The following ZNF101 variants were observed in gnomAD, a reference collection of about 807,000 sequenced individuals.
ZNF101 encodes zinc finger protein 101, also known as zinc finger protein 101 (Y2).
A neutral mutation model predicts 42.6 loss-of-function variants in ZNF101; 34 were observed. That is an observed-to-expected ratio of 0.80 (90% CI 0.61 to 1.06). The LOEUF (loss-of-function observed/expected upper bound fraction) is 1.06. ZNF101 is among the 50% of genes least tolerant of loss of function. The probability of loss-of-function intolerance (pLI) is 0.00; values close to 1 mark genes in which losing one functional copy is unlikely to be tolerated. For synonymous variants in ZNF101, 158 were observed against 183.9 expected, an observed-to-expected ratio of 0.86 and a Z score of 1.14; for missense variants, 466 against 530.9, an observed-to-expected ratio of 0.88 and a Z score of 1.20.
Position 19,679,299 on chromosome 19 carries a change from T to A in ZNF101, c.310T>A (p.Cys104Ser). ...TCAAACTGGAGTGAAACCATGCAAA[T>A]GCAGCGTGTGTGGGAAAGTCTTCCT... Reference protein sequence around the residue: ...KSQTGVKPCKCSVCGKVFLRH... With the variant: ...KSQTGVKPCKSSVCGKVFLRH... The change falls in exon 4 of 4, where the codon TGC (cysteine) becomes AGC (serine). Residue 104 changes from cysteine to serine, a missense_variant. Cys to Ser is a moderately radical substitution (Grantham distance 112). Coordinates refer to ENST00000592502, the MANE Select transcript of ZNF101 (RefSeq NM_033204.4). 1 of 1,614,152 alleles carries A rather than the reference T, an allele frequency of 6.2e-7. No individual in the cohort carries two copies. Among genetic ancestry groups the A allele is most frequent in the Non-Finnish European group, 8.5e-7 (1 of 1,180,036 alleles).
chr19:19,670,582 C>T (rs960415622), intron 1 of ZNF101, among the ~76,000 whole-genome samples: 1 of 151,904 alleles, frequency 6.6e-6, no homozygotes. Context: ...AGTGGCGAGA[C>T]CCCATTTCTA....
chr19:19,668,364 T>C (rs1297026882), upstream of ZNF101, among the ~76,000 whole-genome samples: 1 of 151,966 alleles, frequency 6.6e-6, no homozygotes, highest in Non-Finnish European at 1.5e-5. Flanking sequence ...GAGATGTTTT[T>C]GCCAGCTTTG....
chr19:19,680,271 C>T lies in ZNF101; in HGVS notation c.1282C>T (p.Gln428Ter). ...AGRSQCFGRR[Q>*]GDHLSPGV ...GCGTAGCCAGTGCTTTGGCAGGAGGCAGGGGGATCACCTGAGCCCAGGAGT... is the reference window on the plus strand; with the variant it reads ...GCGTAGCCAGTGCTTTGGCAGGAGGTAGGGGGATCACCTGAGCCCAGGAGT... Residue 428 changes from glutamine to a stop codon, truncating the protein, a stop_gained, in exon 4 of 4, where the codon CAG (glutamine) becomes TAG (stop). Transcript: ENST00000592502. LOFTEE classifies it high-confidence loss of function. 6.5e-7 allele frequency: 1 copy of T among 1,530,186 alleles called. No individual in the cohort carries two copies. Among genetic ancestry groups the T allele is most frequent in the Non-Finnish European group, 8.7e-7 (1 of 1,143,890 alleles). 94.8% of individuals were successfully genotyped at this position (1,530,186 alleles called of 1,614,324 possible).
intron 1 of ZNF101, among the ~76,000 whole-genome samples, chr19:19,673,898 A>T (rs906830668): frequency 2.0e-5 from 3 of 151,258 alleles, no homozygotes; most frequent in African/African-American, 7.3e-5. Context: ...AGTTCAAGCG[A>T]TTCTCCTGCC....
rs2062151735 is a variant in ZNF101 at position 19,668,967 on chromosome 19, G to C, written c.3+1G>C. ...CCAGGACACCCGGAAGCCGGAAATG[G>C]TGAGCGTGCGGAGCCGGGCGTCCGG... On this transcript the variant is annotated splice_donor_variant, in intron 1 of 3. Coordinates refer to ENST00000592502, the MANE Select transcript of ZNF101 (RefSeq NM_033204.4). LOFTEE classifies it high-confidence loss of function. 1 of 1,589,176 alleles carries C rather than the reference G, an allele frequency of 6.3e-7. No individual in the cohort carries two copies. Among genetic ancestry groups the C allele is most frequent in the East Asian group, 2.3e-5 (1 of 43,948 alleles).
rs187057639 is a variant in ZNF101, at chr19:19,674,098, A to G, written c.4-3766A>G. ...TGAGTCACCGCGCCTGGCCTATTCA[A>G]TTCTTTTTGGTGCTATTGTTTGTGG... On this transcript the variant is annotated intron_variant, in intron 1 of 3. Coordinates refer to ENST00000592502, the MANE Select transcript of ZNF101 (RefSeq NM_033204.4). Among the ~76,000 whole-genome samples, 604 of 150,584 alleles carry G rather than the reference A, an allele frequency of 4.0e-3. 1 individual carries two copies. Among genetic ancestry groups the G allele is most frequent in the Non-Finnish European group, 6.7e-3 (452 of 67,620 alleles).
At position 19,680,189 on chromosome 19, in the gene ZNF101, T is replaced by G. The variant is rs1264857698; in HGVS notation, c.1200T>G (p.Gly400=). The change falls in exon 4 of 4, where the codon GGT becomes GGG. Residue 400 remains glycine (G), a synonymous_variant. Transcript: ENST00000592502. ...AACCCTTTGATTGTAAACAGTGTGG[T>G]AAAGTCTTTACTTTTTCAAATTACC... ...GEKPFDCKQC[G]KVFTFSNYLR... 2.8e-5 allele frequency: 45 copies of G among 1,604,496 alleles called. No individual in the cohort carries two copies. Among genetic ancestry groups the G allele is most frequent in the Non-Finnish European group, 3.5e-5 (41 of 1,176,874 alleles).
chr19:19,670,566 G>A (rs1222036494), intron 1 of ZNF101, among the ~76,000 whole-genome samples: 2 of 151,894 alleles, frequency 1.3e-5, no homozygotes, highest in African/African-American at 4.8e-5. Context: ...AGACCATCCT[G>A]GGCAAAGTGG....
chr19:19,675,604 A>G (rs2062197890), intron 1 of ZNF101, among the ~76,000 whole-genome samples: 1 of 152,288 alleles, frequency 6.6e-6, no homozygotes, highest in African/African-American at 2.4e-5. Flanking sequence ...ATTAAGCCTG[A>G]GTTGTACAGT....
chr19:19,677,143 C>T (rs1171978237), intron 1 of ZNF101: 1 of 152,170 alleles, frequency 6.6e-6, no homozygotes, highest in African/African-American at 2.4e-5. Context: ...CTAGAGTAAA[C>T]TGCTTGCAAG....
rs974992176 is a variant in ZNF101 at position 19,680,318 on chromosome 19, T to C, written c.*18T>C. The stretch of plus-strand genomic sequence containing the variant: ...GAGTTTGAGACCAGCCTGGGCAACA[T>C]AAGAAGGCCCCATATCGGCTGGGTA... On this transcript the variant is annotated 3_prime_UTR_variant, in exon 4 of 4. Transcript: ENST00000592502. The C allele has an allele frequency of 7.2e-7, 1 of 1,387,232 alleles. No individual in the cohort carries two copies. The highest frequency in any genetic ancestry group is 1.5e-5 in the African/African-American group (1 of 68,432). The allele number at this position is 1,387,232 out of a possible 1,614,324, so 85.9% of individuals were successfully genotyped here. A position where few individuals can be genotyped will look rare whatever the true frequency, so the allele number is the denominator to read the frequency against.
Position 19,680,146 on chromosome 19 carries a change from T to A in ZNF101, c.1157T>A (p.Met386Lys), listed in dbSNP as rs1257456359. Reference sequence around the variant, plus strand: ...TGCAGTTCCCTCCGAAGACATGAAATGACTCACACTGGAGAAAAACCCTTT... The same window carrying A: ...TGCAGTTCCCTCCGAAGACATGAAAAGACTCACACTGGAGAAAAACCCTTT... ...GWCSSLRRHE[M>K]THTGEKPFDC... The change falls in exon 4 of 4, where the codon ATG (methionine) becomes AAG (lysine). Residue 386 changes from methionine to lysine, a missense_variant. Transcript: ENST00000592502. 1 of 1,612,052 alleles carries A rather than the reference T, an allele frequency of 6.2e-7. No individual in the cohort carries two copies. The highest frequency in any genetic ancestry group is 1.3e-5 in the African/African-American group (1 of 74,762).
rs754374535 is a variant in ZNF101 at position 19,681,922 on chromosome 19, C to CTTTTTTTTTTTT, written c.*1629_*1640dup. ...ATCAGTGGCTCATTCTTTTTTCTTT[C>CTTTTTTTTTTTT]TTTTTTTTTTTTTTTTTTGAGATGG... is the stretch of plus-strand genomic sequence containing the variant. On this transcript the variant is annotated 3_prime_UTR_variant, in exon 4 of 4. Transcript: ENST00000592502. The CTTTTTTTTTTTT allele has an allele frequency of 3.2e-5, 4 of 124,890 alleles. 1 individual carries two copies. The highest frequency in any genetic ancestry group is 5.0e-5 in the Non-Finnish European group (3 of 59,656). 7.7% of individuals were successfully genotyped at this position (124,890 alleles called of 1,614,324 possible).
chr19:19,669,057 G>C, intron 1 of ZNF101, 91 bp downstream of exon 1: 1 of 1,499,182 alleles, frequency 6.7e-7, no homozygotes, highest in Non-Finnish European at 8.9e-7. Context: ...CGGCGACTGT[G>C]GGGGTCTGGG....
intron 1 of ZNF101, chr19:19,677,440 C>G (rs1436505375): frequency 5.7e-6 from 1 of 173,974 alleles, no homozygotes; most frequent in African/African-American, 2.4e-5. Context: ...GGATCCCTCT[C>G]GTAGTCTAAG....
chr19:19,675,428 G>A lies in ZNF101; in HGVS notation c.4-2436G>A, dbSNP rs138583149. On this transcript the variant is annotated intron_variant, in intron 1 of 3. Coordinates refer to ENST00000592502, the MANE Select transcript of ZNF101 (RefSeq NM_033204.4). ...GCTGGGATTACAGGCATGAGCCACC[G>A]TGCCTGGCTATTTTTTTTTTATTAC... Among the ~76,000 whole-genome samples the A allele has an allele frequency of 5.7e-3, 864 of 152,132 alleles. 9 individuals are homozygous for A. The highest frequency in any genetic ancestry group is 0.02 in the African/African-American group (825 of 41,484).
intron 1 of ZNF101, among the ~76,000 whole-genome samples, chr19:19,670,114 C>G (rs956252568): frequency 2.0e-5 from 3 of 152,150 alleles, no homozygotes; most frequent in Non-Finnish European, 4.4e-5. Context: ...GGTGAAAAGT[C>G]TGTCCTGGCG....
At chr19:19,671,038 G>A (rs1381368195) in intron 1 of ZNF101, among the ~76,000 whole-genome samples, 2 of 152,128 alleles carry the variant, frequency 1.3e-5, no homozygotes, top group African/African-American at 2.4e-5. Flanking sequence ...TCCGGGAGGC[G>A]GAGCTTGCAG....
At chr19:19,669,698 C>T (rs929159322) in intron 1 of ZNF101, among the ~76,000 whole-genome samples, 2 of 152,026 alleles carry the variant, frequency 1.3e-5, no homozygotes, top group South Asian at 2.1e-4. Context: ...CCATGTTGGC[C>T]GTGCTGAAGT....
Sources: gnomAD v4.1 joint callset for allele counts (sites outside exome capture counted in the v4.1 genomes callset) on GRCh38, gnomAD v4.1.1 for gene constraint, MANE v1.5 for transcripts, NCBI Gene and HGNC (gene_info 2026-07-23, HGNC 2026-07-21) for gene names.